The following OXR1 variants were observed in gnomAD, a reference collection of about 807,000 sequenced individuals.
The protein encoded by OXR1 is oxidation resistance 1.
In OXR1, 41 loss-of-function variants were observed where a neutral mutation model predicts 104.6. That is an observed-to-expected ratio of 0.39 (90% CI 0.31 to 0.51). The LOEUF is 0.51. Among genes scored for constraint, OXR1 ranks in the 20% least tolerant of loss-of-function variants. The pLI, the probability that OXR1 is intolerant of heterozygous loss-of-function variation, is 0.77. For missense variants in OXR1, 955 were observed against 1,031.9 expected (o/e 0.93, Z 1.02); for synonymous variants, 348 against 348.4 (o/e 1.00, Z 0.01).
intron 2 of OXR1, among the ~76,000 whole-genome samples, chr8:106,361,973 A>C (rs1432203787): frequency 1.3e-5 from 2 of 152,198 alleles, no homozygotes; most frequent in Non-Finnish European, 2.9e-5. Context: ...TAATCATAAC[A>C]AGGAGAGCTA....
In OXR1 at chr8:106,555,926, A is replaced by ATG. The variant is rs551840259; in HGVS notation, c.220+36789_220+36790dup. Among the ~76,000 whole-genome samples, 1,106 of 27,298 alleles carry ATG rather than the reference A, an allele frequency of 0.041. 43 individuals carry two copies. The East Asian group carries it at 0.44, about 11-fold the overall frequency. 17.9% of individuals were successfully genotyped at this position (27,298 alleles called of 152,430 possible). A position where few individuals can be genotyped will look rare whatever the true frequency, so the allele number is the denominator to read the frequency against. On this transcript the variant is annotated intron_variant, in intron 3 of 16. Coordinates refer to ENST00000517566, the MANE Select transcript of OXR1 (RefSeq NM_001198533.2). The stretch of plus-strand genomic sequence containing the variant: ...TATGTGTGTAGGCATACGTATATAT[A>ATG]TGTACATATATATATATATATACAC...
chr8:106,375,491 TATAA>T lies in OXR1; in HGVS notation c.23+15858_23+15861del, dbSNP rs1440247829. On this transcript the variant is annotated intron_variant, in intron 2 of 16. Coordinates refer to ENST00000517566, the MANE Select transcript of OXR1 (RefSeq NM_001198533.2). ...AGAATAAAACATATATTTAGCAGGTTATAAATGAGATCAATTGAAGTCAAACTTT... is the reference window on the plus strand; with the variant it reads ...AGAATAAAACATATATTTAGCAGGTTATGAGATCAATTGAAGTCAAACTTT... Among the ~76,000 whole-genome samples, 15 of 152,216 alleles carry T rather than the reference TATAA, an allele frequency of 9.9e-5. 1 individual carries two copies. The highest frequency in any genetic ancestry group is 3.6e-4 in the African/African-American group (15 of 41,460).
Position 106,448,686 on chromosome 8 carries a change from G to A in OXR1, c.24-70257G>A, listed in dbSNP as rs538582852. Among the ~76,000 whole-genome samples the A allele has an allele frequency of 2.6e-5, 4 of 152,098 alleles. No homozygotes were observed. In the East Asian group the frequency reaches 5.8e-4, roughly 22 times the overall value. ...GAAATTCTTACTTTCAGTTGTTACC[G>A]GCATAGACCTCATTACAGGAATAGG... On this transcript the variant is annotated intron_variant, in intron 2 of 16. Transcript: ENST00000517566.
chr8:106,673,585 C>T (rs775903582), intron 3 of OXR1, among the ~76,000 whole-genome samples: 11 of 152,120 alleles, frequency 7.2e-5, no homozygotes, highest in Non-Finnish European at 1.5e-4. Context: ...ACTTAAGTAA[C>T]GAGGAGACAA....
chr8:106,743,620 T>C (rs531478427), intron 15 of OXR1, among the ~76,000 whole-genome samples: 1 of 152,196 alleles, frequency 6.6e-6, no homozygotes, highest in South Asian at 2.1e-4. Context: ...CACGCCCAAC[T>C]GAAAAAGGAA....
In OXR1 at chr8:106,706,413, T is replaced by C; in HGVS notation, c.892T>C (p.Cys298Arg). Reference sequence around the variant, plus strand: ...AGATCAGCTATCAGGAAGGGACTTCTGCCATTCAAAGAAAATGACAGGAAG... The same window carrying C: ...AGATCAGCTATCAGGAAGGGACTTCCGCCATTCAAAGAAAATGACAGGAAG... ...DIDQLSGRDF[C>R]HSKKMTGSNT... Residue 298 changes from cysteine to arginine, a missense_variant, in exon 9 of 17, where the codon TGC (cysteine) becomes CGC (arginine). By Grantham distance (180) the Cys-to-Arg change is radical (BLOSUM62 -3). Transcript: ENST00000517566. 1 of 1,584,562 alleles carries C rather than the reference T, an allele frequency of 6.3e-7. No individual in the cohort carries two copies. The highest frequency in any genetic ancestry group is 8.5e-7 in the Non-Finnish European group (1 of 1,171,908).
intron 1 of OXR1, among the ~76,000 whole-genome samples, chr8:106,310,141 A>G (rs1181089775): frequency 6.6e-6 from 1 of 151,920 alleles, no homozygotes; most frequent in East Asian, 1.9e-4. Flanking sequence ...TATTATGGCT[A>G]TAAAAATGTT....
intron 1 of OXR1, among the ~76,000 whole-genome samples, chr8:106,340,220 GAAA>G (rs10611410): frequency 1.6e-4 from 19 of 121,426 alleles, no homozygotes; most frequent in African/African-American, 5.0e-4. Context: ...TGAGGGAAAA[GAAA>G]AAAAAAAAAA....
At chr8:106,719,962 C>T (rs1327909578) in intron 11 of OXR1, among the ~76,000 whole-genome samples, 1 of 152,018 alleles carries the variant, frequency 6.6e-6, no homozygotes, top group Non-Finnish European at 1.5e-5. Flanking sequence ...CCCGCCACCA[C>T]GCCCGGCTAA....
At chr8:106,330,662 C>A in intron 1 of OXR1, among the ~76,000 whole-genome samples, 1 of 152,090 alleles carries the variant, frequency 6.6e-6, no homozygotes, top group East Asian at 1.9e-4. Flanking sequence ...TATGACTTGT[C>A]TTCTTAAGAC....
At chr8:106,606,233 G>A (rs922074684) in intron 3 of OXR1, among the ~76,000 whole-genome samples, 6 of 151,926 alleles carry the variant, frequency 3.9e-5, no homozygotes, top group Admixed American at 1.3e-4. Context: ...ACCTACCATC[G>A]TCAAAGCCAG....
At chr8:106,616,134 C>G (rs1821211280) in intron 3 of OXR1, among the ~76,000 whole-genome samples, 1 of 149,582 alleles carries the variant, frequency 6.7e-6, no homozygotes, top group Non-Finnish European at 1.5e-5. Flanking sequence ...CTCCGCCTCC[C>G]AGGTTCACGC....
intron 3 of OXR1, among the ~76,000 whole-genome samples, chr8:106,611,277 T>A (rs956014873): frequency 2.0e-5 from 3 of 152,184 alleles, no homozygotes; most frequent in African/African-American, 7.2e-5. Flanking sequence ...AGGAGCATGC[T>A]TGGTGCATTC....
chr8:106,543,008 A>G (rs1412989822), intron 3 of OXR1, among the ~76,000 whole-genome samples: 1 of 152,172 alleles, frequency 6.6e-6, no homozygotes, highest in African/African-American at 2.4e-5. Context: ...TTTTGACTTA[A>G]GACACAATTC....
At chr8:106,504,816 T>C (rs950846318) in intron 2 of OXR1, among the ~76,000 whole-genome samples, 9 of 152,200 alleles carry the variant, frequency 5.9e-5, no homozygotes, top group African/African-American at 2.2e-4. Context: ...TAGAAGTACA[T>C]ATATGGATAC....
At chr8:106,443,208 T>A (rs1819864395) in intron 2 of OXR1, among the ~76,000 whole-genome samples, 1 of 152,184 alleles carries the variant, frequency 6.6e-6, no homozygotes, top group Non-Finnish European at 1.5e-5. Context: ...TGAAATTTTG[T>A]GGTTTTGAGT....
chr8:106,654,926 C>T (rs1215100766), intron 3 of OXR1, among the ~76,000 whole-genome samples: 3 of 152,004 alleles, frequency 2.0e-5, no homozygotes, highest in East Asian at 3.9e-4. Flanking sequence ...AATGGATGAA[C>T]GGATCAATAA....
At chr8:106,594,856 A>G (rs1002152484) in intron 3 of OXR1, among the ~76,000 whole-genome samples, 1 of 152,202 alleles carries the variant, frequency 6.6e-6, no homozygotes, top group Non-Finnish European at 1.5e-5. Context: ...TGTAAGGGCA[A>G]GTACTACATC....
At chr8:106,429,731 G>A (rs1349607828) in intron 2 of OXR1, among the ~76,000 whole-genome samples, 1 of 151,624 alleles carries the variant, frequency 6.6e-6, no homozygotes. Flanking sequence ...CCCAGTTTTG[G>A]AGGGGTATTA....
Sources: allele counts gnomAD v4.1 joint callset (sites outside exome capture counted in the v4.1 genomes callset), GRCh38; gene constraint gnomAD v4.1.1; transcripts MANE v1.5; gene names NCBI Gene and HGNC (gene_info 2026-07-23, HGNC 2026-07-21).